Variants in ANKH observed in about 807,000 individuals in gnomAD.
The protein encoded by ANKH is mineralization regulator ANKH.
Under a neutral mutation model 49.0 loss-of-function variants are expected in ANKH, and 15 were observed. That is an observed-to-expected ratio of 0.31 (90% confidence interval 0.20 to 0.47). ANKH has a LOEUF of 0.47. Ranked by LOEUF, ANKH falls within the 20% of genes least tolerant of loss-of-function variation. ANKH has a pLI of 1.00. For synonymous variants in ANKH, 273 were observed against 260.0 expected (o/e 1.05, Z -0.48); for missense variants, 429 against 652.0 (o/e 0.66, Z 3.72).
chr5:14,781,417 T>C (rs1449728258), intron 1 of ANKH, among the ~76,000 whole-genome samples: 1 of 152,146 alleles, frequency 6.6e-6, no homozygotes, highest in Non-Finnish European at 1.5e-5. Flanking sequence ...AACAGTGGTG[T>C]TTTCAGTCAC....
chr5:14,822,719 C>G (rs1741230759), intron 1 of ANKH, among the ~76,000 whole-genome samples: 1 of 152,238 alleles, frequency 6.6e-6, no homozygotes. Flanking sequence ...TTGTCCTTTT[C>G]TTATGCTCTA....
chr5:14,716,952 G>A, intron 8 of ANKH, 117 bp from the exon 9 acceptor site: 1 of 1,337,398 alleles, frequency 7.5e-7, no homozygotes, highest in South Asian at 1.2e-5. Flanking sequence ...CGGCCTGACT[G>A]GGTGGTGGGC....
intron 1 of ANKH, among the ~76,000 whole-genome samples, chr5:14,811,463 G>A (rs1740882469): frequency 1.3e-5 from 2 of 152,118 alleles, no homozygotes; most frequent in African/African-American, 4.8e-5. Flanking sequence ...AAAAATCCCA[G>A]TATACTGTAG....
intron 2 of ANKH, among the ~76,000 whole-genome samples, chr5:14,764,389 G>T (rs564911979): frequency 6.6e-6 from 1 of 152,296 alleles, no homozygotes; most frequent in East Asian, 1.9e-4. Context: ...GGCAATGCTA[G>T]TGGAGGATGA....
At chr5:14,775,964 G>T (rs982145814) in intron 1 of ANKH, among the ~76,000 whole-genome samples, 2 of 152,216 alleles carry the variant, frequency 1.3e-5, no homozygotes, top group Admixed American at 6.5e-5. Flanking sequence ...TTGGCCGAGG[G>T]TGAGTAGTGG....
chr5:14,819,028 C>T (rs1398540874), intron 1 of ANKH, among the ~76,000 whole-genome samples: 1 of 152,160 alleles, frequency 6.6e-6, no homozygotes, highest in African/African-American at 2.4e-5. Flanking sequence ...CCGAAAGTGG[C>T]TTCACCATAA....
rs1384003757 is a variant in ANKH, at chr5:14,871,329, TGGGGCGC to T, written c.96+16_96+22del. 2 of 1,602,478 alleles carry T rather than the reference TGGGGCGC, an allele frequency of 1.2e-6. No homozygotes were observed. Among genetic ancestry groups the T allele is most frequent in the East Asian group, 4.5e-5 (2 of 44,698 alleles). On this transcript the variant is annotated intron_variant, in intron 1 of 11. Transcript: ENST00000284268. ...AAGGCCAAGGCAGGGCGAGCGGGCG[TGGGGCGC>T]GGGGCCGGGGCTTACCTGCTCCCCG...
At chr5:14,812,116 T>TAAAAAAAAAAA in intron 1 of ANKH, among the ~76,000 whole-genome samples, 1 of 90,966 alleles carries the variant, frequency 1.1e-5, no homozygotes. Context: ...TGTATTTATC[T>TAAAAAAAAAAA]TAAAAAAAAA....
At chr5:14,841,908 T>C (rs894122343) in intron 1 of ANKH, among the ~76,000 whole-genome samples, 2 of 152,198 alleles carry the variant, frequency 1.3e-5, no homozygotes, top group Non-Finnish European at 2.9e-5. Context: ...CATGTGTCAA[T>C]ATGTGATCAT....
intron 1 of ANKH, among the ~76,000 whole-genome samples, chr5:14,843,373 G>A (rs1464294328): frequency 2.6e-5 from 4 of 151,284 alleles, no homozygotes; most frequent in African/African-American, 7.3e-5. Context: ...ATGGCACTTC[G>A]CCATGTTGGT....
intron 8 of ANKH, among the ~76,000 whole-genome samples, chr5:14,739,280 G>A (rs1042346510): frequency 1.3e-5 from 2 of 152,144 alleles, no homozygotes; most frequent in Admixed American, 6.5e-5. Flanking sequence ...AGCCGGGTGT[G>A]GTGGCGGGTG....
At chr5:14,819,694 C>T (rs1164077171) in intron 1 of ANKH, among the ~76,000 whole-genome samples, 4 of 152,042 alleles carry the variant, frequency 2.6e-5, no homozygotes, top group South Asian at 2.1e-4. Flanking sequence ...GGCAAAACCC[C>T]GTCTCTACCA....
chr5:14,777,962 T>C (rs1739682596), intron 1 of ANKH, among the ~76,000 whole-genome samples: 2 of 152,188 alleles, frequency 1.3e-5, no homozygotes, highest in Non-Finnish European at 1.5e-5. Flanking sequence ...GGTTCCATCA[T>C]GGTTATAAGG....
At chr5:14,781,692 T>C (rs1739811217) in intron 1 of ANKH, among the ~76,000 whole-genome samples, 1 of 152,118 alleles carries the variant, frequency 6.6e-6, no homozygotes, top group South Asian at 2.1e-4. Context: ...TAACCTCAAT[T>C]CAAGATGGTA....
chr5:14,740,913 T>C (rs1344277173), intron 8 of ANKH, among the ~76,000 whole-genome samples: 2 of 152,210 alleles, frequency 1.3e-5, no homozygotes, highest in African/African-American at 4.8e-5. Context: ...AATATTTCTA[T>C]TGTATATGCG....
In ANKH at chr5:14,709,424, C is replaced by T. The variant is rs962929736; in HGVS notation, c.*1773G>A. 6 of 152,160 alleles carry T rather than the reference C, an allele frequency of 3.9e-5. No homozygotes were observed. Among genetic ancestry groups the T allele is most frequent in the African/African-American group, 9.7e-5 (4 of 41,406 alleles). The allele number at this position is 152,160 out of a possible 1,614,324, so 9.4% of individuals were successfully genotyped here. A position where few individuals can be genotyped will look rare whatever the true frequency, so the allele number is the denominator to read the frequency against. On this transcript the variant is annotated 3_prime_UTR_variant, in exon 12 of 12. Coordinates refer to ENST00000284268, the MANE Select transcript of ANKH (RefSeq NM_054027.6). ...GAGGAAAAGCCACTCTGAGGAAGCA[C>T]GCCAAGGACATGTCCCCACGTGGGC...
chr5:14,783,323 CACACA>C (rs1739867541), intron 1 of ANKH, among the ~76,000 whole-genome samples: 1 of 148,914 alleles, frequency 6.7e-6, no homozygotes, highest in Admixed American at 6.7e-5. Flanking sequence ...CACACACACA[CACACA>C]CACCACACAT....
chr5:14,836,782 T>A (rs990942866), intron 1 of ANKH, among the ~76,000 whole-genome samples: 1 of 152,136 alleles, frequency 6.6e-6, no homozygotes, highest in Non-Finnish European at 1.5e-5. Flanking sequence ...AAAGTTCATA[T>A]GGAACCAAAA....
At chr5:14,757,431 T>TATATATATATATA (rs1491137786) in intron 3 of ANKH, among the ~76,000 whole-genome samples, 1 of 106,748 alleles carries the variant, frequency 9.4e-6, no homozygotes, top group African/African-American at 4.2e-5. Flanking sequence ...TATATATATA[T>TATATATATATATA]TTTTTTTTTT....
Sources: allele counts gnomAD v4.1 joint callset (sites outside exome capture counted in the v4.1 genomes callset), GRCh38; gene constraint gnomAD v4.1.1; transcripts MANE v1.5; gene names NCBI Gene and HGNC (gene_info 2026-07-23, HGNC 2026-07-21).